SCAPER: variants seen among roughly 807,000 people sequenced by gnomAD.
SCAPER encodes S phase cyclin A-associated protein in the endoplasmic reticulum.
A neutral mutation model predicts 182.2 loss-of-function variants in SCAPER; 98 were observed. That is an observed-to-expected ratio of 0.54 (90% CI 0.46 to 0.64). The LOEUF is 0.64. Among genes scored for constraint, SCAPER ranks in the 30% least tolerant of loss-of-function variants. The pLI, the probability that SCAPER is intolerant of heterozygous loss-of-function variation, is 0.00. For synonymous variants in SCAPER, 605 were observed against 564.6 expected, an observed-to-expected ratio of 1.07 and a Z score of -1.01; for missense variants, 1,432 against 1,690.0, an observed-to-expected ratio of 0.85 and a Z score of 2.68.
intron 25 of SCAPER, among the ~76,000 whole-genome samples, chr15:76,464,708 A>G (rs2049461518): frequency 1.3e-5 from 2 of 152,190 alleles, no homozygotes; most frequent in Non-Finnish European, 2.9e-5. Flanking sequence ...CGAGGTGAAC[A>G]TGGCAGTGCA....
intron 20 of SCAPER, among the ~76,000 whole-genome samples, chr15:76,693,561 A>G (rs990178698): frequency 1.3e-5 from 2 of 152,228 alleles, no homozygotes; most frequent in African/African-American, 4.8e-5. Flanking sequence ...TATCTGCAAT[A>G]ACCAAAAGGT....
chr15:76,725,224 TAAC>T (rs1013217289), intron 17 of SCAPER, among the ~76,000 whole-genome samples: 1 of 151,982 alleles, frequency 6.6e-6, no homozygotes, highest in Non-Finnish European at 1.5e-5. Flanking sequence ...GGAATAAACA[TAAC>T]AAGATGAGAA....
At chr15:76,741,083 TTCC>T (rs1166257990) in intron 15 of SCAPER, among the ~76,000 whole-genome samples, 1 of 152,140 alleles carries the variant, frequency 6.6e-6, no homozygotes, top group African/African-American at 2.4e-5. Flanking sequence ...ACTCAAGAAT[TTCC>T]TCAATTTCAC....
chr15:76,487,713 A>G (rs2051795206), intron 24 of SCAPER, among the ~76,000 whole-genome samples: 1 of 152,186 alleles, frequency 6.6e-6, no homozygotes, highest in African/African-American at 2.4e-5. Flanking sequence ...AAAAACCTCT[A>G]GGATTTAGAT....
chr15:76,815,408 T>C (rs544332423), intron 5 of SCAPER, among the ~76,000 whole-genome samples: 16 of 152,280 alleles, frequency 1.1e-4, no homozygotes, highest in Admixed American at 2.6e-4. Flanking sequence ...GGTGTATATA[T>C]ACACACACAT....
intron 5 of SCAPER, among the ~76,000 whole-genome samples, chr15:76,811,121 CAA>C (rs71447123): frequency 1.3e-4 from 14 of 105,468 alleles, no homozygotes; most frequent in Middle Eastern, 5.7e-3. Flanking sequence ...ATAGAATTTA[CAA>C]AAAAAAAAAA....
At chr15:76,668,936 T>C (rs2056817909) in intron 20 of SCAPER, among the ~76,000 whole-genome samples, 1 of 152,200 alleles carries the variant, frequency 6.6e-6, no homozygotes, top group Admixed American at 6.5e-5. Context: ...CTTACAACGA[T>C]ACTTAGAAAA....
At chr15:76,751,910 G>A (rs2151182721) in intron 15 of SCAPER, among the ~76,000 whole-genome samples, 1 of 151,728 alleles carries the variant, frequency 6.6e-6, no homozygotes, top group South Asian at 2.1e-4. Flanking sequence ...CATTTTGCAT[G>A]TCAAAAGATG....
intron 17 of SCAPER, among the ~76,000 whole-genome samples, chr15:76,718,460 G>C (rs547557805): frequency 6.6e-6 from 1 of 152,052 alleles, no homozygotes; most frequent in East Asian, 1.9e-4. Flanking sequence ...AGGCAAAAGC[G>C]GGCGGATCAC....
chr15:76,631,284 T>C (rs1372161442), intron 21 of SCAPER, among the ~76,000 whole-genome samples: 1 of 152,242 alleles, frequency 6.6e-6, no homozygotes, highest in Non-Finnish European at 1.5e-5. Context: ...ATTCAGCCCA[T>C]TTACACTTAA....
chr15:76,523,182 A>C (rs1486605823), intron 23 of SCAPER, among the ~76,000 whole-genome samples: 1 of 152,100 alleles, frequency 6.6e-6, no homozygotes, highest in Non-Finnish European at 1.5e-5. Flanking sequence ...CAATTTTATA[A>C]AAATATTTTT....
In SCAPER at chr15:76,719,199, T is replaced by G. The variant is rs114336028; in HGVS notation, c.2165+9396A>C. Among the ~76,000 whole-genome samples the G allele has an allele frequency of 6.0e-3, 908 of 152,284 alleles. 4 individuals are homozygous for G. The highest frequency in any genetic ancestry group is 0.021 in the African/African-American group (875 of 41,582). On this transcript the variant is annotated intron_variant, in intron 17 of 31. Transcript: ENST00000563290. ...TAAAGAAACTGTAGTATACATACCATTTAGCCCTAAAAGGAACAAGACATT... is the reference window on the plus strand; with the variant it reads ...TAAAGAAACTGTAGTATACATACCAGTTAGCCCTAAAAGGAACAAGACATT...
rs1454398802 is a variant in SCAPER at position 76,751,803 on chromosome 15, A to G, written c.1866+2005T>C. On this transcript the variant is annotated intron_variant, in intron 15 of 31. Coordinates refer to ENST00000563290, the MANE Select transcript of SCAPER (RefSeq NM_020843.4). ...GAAGAAGACACAGGATCAAAGTGTC[A>G]CGACACTAGATTTTGCAATGATTTA... Among the ~76,000 whole-genome samples, 3 of 151,924 alleles carry G rather than the reference A, an allele frequency of 2.0e-5. No homozygotes were observed. In the East Asian group the frequency reaches 5.8e-4, roughly 29 times the overall value.
intron 15 of SCAPER, among the ~76,000 whole-genome samples, chr15:76,738,195 A>G (rs1185545218): frequency 6.6e-6 from 1 of 152,032 alleles, no homozygotes; most frequent in Admixed American, 6.6e-5. Context: ...GCTGGAGTGC[A>G]GTGGCTCACT....
chr15:76,522,018 G>C (rs1486694862), intron 23 of SCAPER, among the ~76,000 whole-genome samples: 2 of 152,102 alleles, frequency 1.3e-5, no homozygotes, highest in Non-Finnish European at 2.9e-5. Context: ...ATTTAATTCA[G>C]AGAATGCTTT....
chr15:76,842,886 A>G (rs185315560), intron 4 of SCAPER, among the ~76,000 whole-genome samples: 5 of 152,310 alleles, frequency 3.3e-5, no homozygotes, highest in Non-Finnish European at 7.3e-5. Context: ...CAGTGCTGAT[A>G]GCTCTTTACC....
At chr15:76,720,723 T>C (rs2060183861) in intron 17 of SCAPER, among the ~76,000 whole-genome samples, 2 of 152,242 alleles carry the variant, frequency 1.3e-5, no homozygotes, top group South Asian at 4.1e-4. Flanking sequence ...TGCATAAATG[T>C]CTTCTTTTGA....
chr15:76,874,601 A>G (rs1267980099), intron 2 of SCAPER, among the ~76,000 whole-genome samples: 1 of 152,170 alleles, frequency 6.6e-6, no homozygotes, highest in Non-Finnish European at 1.5e-5. Flanking sequence ...TTAAAAAGAA[A>G]GATCACTACA....
chr15:76,632,416 A>G (rs765865805), intron 21 of SCAPER, among the ~76,000 whole-genome samples: 4 of 151,960 alleles, frequency 2.6e-5, no homozygotes, highest in Non-Finnish European at 5.9e-5. Context: ...GATGGTCTCA[A>G]TCTCCTGACT....
Sources: gnomAD v4.1 joint callset for allele counts (sites outside exome capture counted in the v4.1 genomes callset) on GRCh38, gnomAD v4.1.1 for gene constraint, MANE v1.5 for transcripts, NCBI Gene and HGNC (gene_info 2026-07-23, HGNC 2026-07-21) for gene names.